Variants in APBB1IP observed in about 807,000 individuals in gnomAD.
APBB1IP encodes the protein amyloid beta A4 precursor protein-binding family B member 1-interacting protein.
APBB1IP carries 27 observed loss-of-function variants against 64.9 expected under a neutral mutation model. That is an observed-to-expected ratio of 0.42 (90% CI 0.31 to 0.57). The LOEUF is 0.57. APBB1IP is among the 20% of genes least tolerant of loss of function. The probability of loss-of-function intolerance (pLI) is 0.20; values close to 1 mark genes in which losing one functional copy is unlikely to be tolerated. For synonymous variants in APBB1IP, 392 were observed against 331.0 expected, an observed-to-expected ratio of 1.18 and a Z score of -2.00; for missense variants, 812 against 845.5, an observed-to-expected ratio of 0.96 and a Z score of 0.49.
intron 2 of APBB1IP, among the ~76,000 whole-genome samples, chr10:26,449,588 A>G (rs1564347732): frequency 1.3e-5 from 2 of 152,150 alleles, no homozygotes; most frequent in Non-Finnish European, 2.9e-5. Context: ...GAATAGAAGT[A>G]TTGGCATTTG....
At chr10:26,448,539 A>G (rs1235271738) in intron 2 of APBB1IP, among the ~76,000 whole-genome samples, 1 of 152,246 alleles carries the variant, frequency 6.6e-6, no homozygotes. Context: ...TGTGTTGACT[A>G]TGCAACTGAA....
chr10:26,526,193 C>T (rs1435749927), intron 8 of APBB1IP, among the ~76,000 whole-genome samples: 1 of 152,094 alleles, frequency 6.6e-6, no homozygotes, highest in Non-Finnish European at 1.5e-5. Context: ...CTGGTATTAA[C>T]GTAAGCCATT....
chr10:26,508,531 GT>G (rs962672161), intron 6 of APBB1IP, among the ~76,000 whole-genome samples: 4 of 151,838 alleles, frequency 2.6e-5, no homozygotes, highest in African/African-American at 9.7e-5. Context: ...GATCATTTAA[GT>G]TTTTTCACCC....
At chr10:26,560,700 T>A in intron 12 of APBB1IP, 30 bp from the exon 13 acceptor site, 1 of 1,515,400 alleles carries the variant, frequency 6.6e-7, no homozygotes, top group Admixed American at 2.1e-5. Context: ...CATGGATTCC[T>A]TTCCTTCTTC....
intron 6 of APBB1IP, among the ~76,000 whole-genome samples, chr10:26,504,733 A>T (rs1250196906): frequency 6.6e-6 from 1 of 151,850 alleles, no homozygotes; most frequent in Non-Finnish European, 1.5e-5. Flanking sequence ...AAAAAAAAAA[A>T]GTTAATTTGG....
chr10:26,469,258 C>CT (rs386361721), intron 2 of APBB1IP, among the ~76,000 whole-genome samples: 1,543 of 112,906 alleles, frequency 0.014, 30 homozygotes, highest in East Asian at 0.038. Flanking sequence ...CTTTTCTTTT[C>CT]TTTTTTTTTT....
chr10:26,560,570 T>C (rs1836954892), intron 12 of APBB1IP, among the ~76,000 whole-genome samples, 160 bp from the exon 13 acceptor site: 1 of 152,214 alleles, frequency 6.6e-6, no homozygotes, highest in South Asian at 2.1e-4. Context: ...GAATGTGTAT[T>C]TGTTAAATTT....
chr10:26,521,664 TAGA>T (rs755194885), intron 8 of APBB1IP, among the ~76,000 whole-genome samples: 6 of 152,320 alleles, frequency 3.9e-5, no homozygotes, highest in East Asian at 1.9e-4. Flanking sequence ...TGCGTAACCC[TAGA>T]AGAAGTTTGA....
At chr10:26,513,474 C>G (rs551630382) in intron 7 of APBB1IP, 65 bp from the exon 8 acceptor site, 1 of 1,584,308 alleles carries the variant, frequency 6.3e-7, no homozygotes, top group Admixed American at 1.8e-5. Flanking sequence ...TCAATAATAG[C>G]TTGTTTCTCA....
chr10:26,468,812 A>T (rs183494668), intron 2 of APBB1IP, among the ~76,000 whole-genome samples: 1 of 152,284 alleles, frequency 6.6e-6, no homozygotes, highest in African/African-American at 2.4e-5. Flanking sequence ...GTCTCACAGG[A>T]ACCCTCCGAT....
chr10:26,477,216 T>C (rs563557879), intron 2 of APBB1IP, among the ~76,000 whole-genome samples: 5 of 152,354 alleles, frequency 3.3e-5, no homozygotes, highest in Middle Eastern at 6.8e-3. Context: ...TGAGGCTGTG[T>C]CCTCAGGGGA....
chr10:26,474,933 A>G (rs897927725), intron 2 of APBB1IP, among the ~76,000 whole-genome samples: 9 of 152,256 alleles, frequency 5.9e-5, no homozygotes, highest in Non-Finnish European at 8.8e-5. Context: ...CCTTGGCTTA[A>G]CATTATCTGT....
chr10:26,439,375 C>A (rs1428177718), intron 2 of APBB1IP, among the ~76,000 whole-genome samples: 2 of 152,130 alleles, frequency 1.3e-5, no homozygotes, highest in Admixed American at 6.5e-5. Context: ...TTGGACAACT[C>A]TTTCCTCTTT....
At chr10:26,513,461 A>C in intron 7 of APBB1IP, 78 bp from the exon 8 acceptor site, 8 of 1,533,472 alleles carry the variant, frequency 5.2e-6, no homozygotes, top group Non-Finnish European at 6.2e-6. Context: ...ATGAAGCATT[A>C]ACTCAATAAT....
At chr10:26,536,980 A>G (rs1380492270) in intron 10 of APBB1IP, among the ~76,000 whole-genome samples, 1 of 151,946 alleles carries the variant, frequency 6.6e-6, no homozygotes, top group Non-Finnish European at 1.5e-5. Context: ...TCTGAGGTGT[A>G]CTCTGAATTT....
intron 10 of APBB1IP, among the ~76,000 whole-genome samples, chr10:26,537,829 G>A (rs920620491): frequency 2.6e-5 from 4 of 151,918 alleles, no homozygotes; most frequent in Admixed American, 2.0e-4. Context: ...AGTAGCTGGG[G>A]AGGGTGAGGC....
intron 2 of APBB1IP, among the ~76,000 whole-genome samples, chr10:26,453,451 G>C (rs1423563960): frequency 6.6e-6 from 1 of 152,152 alleles, no homozygotes; most frequent in Non-Finnish European, 1.5e-5. Flanking sequence ...AGTGAGGGTG[G>C]GACAGGGCTT....
At chr10:26,465,249 A>T (rs1012297942) in intron 2 of APBB1IP, among the ~76,000 whole-genome samples, 2 of 152,236 alleles carry the variant, frequency 1.3e-5, no homozygotes, top group Admixed American at 6.5e-5. Flanking sequence ...CATGTAGAGC[A>T]TAAAATGTGA....
chr10:26,504,128 A>G (rs926596466), intron 6 of APBB1IP, among the ~76,000 whole-genome samples: 8 of 152,128 alleles, frequency 5.3e-5, no homozygotes, highest in Non-Finnish European at 1.0e-4. Context: ...CTTTTCCTCA[A>G]TTGCTCTTGT....
Sources: allele counts gnomAD v4.1 joint callset (sites outside exome capture counted in the v4.1 genomes callset), GRCh38; gene constraint gnomAD v4.1.1; transcripts MANE v1.5; gene names NCBI Gene and HGNC (gene_info 2026-07-23, HGNC 2026-07-21).